FCHO2: variants seen among roughly 807,000 people sequenced by gnomAD.
FCHO2 encodes the protein F-BAR domain only protein 2.
FCHO2 carries 43 observed loss-of-function variants against 114.1 expected under a neutral mutation model. The observed-to-expected ratio is 0.38, with a 90% confidence interval of 0.30 to 0.49. FCHO2 has a LOEUF of 0.49. FCHO2 is among the 20% of genes least tolerant of loss of function. FCHO2 has a pLI of 0.97. For synonymous variants in FCHO2, 293 were observed against 315.2 expected (o/e 0.93, Z 0.75); for missense variants, 807 against 950.4 (o/e 0.85, Z 1.98).
At chr5:73,058,866 A>G (rs977357270) in intron 17 of FCHO2, among the ~76,000 whole-genome samples, 1 of 152,150 alleles carries the variant, frequency 6.6e-6, no homozygotes. Flanking sequence ...TTTAAGTTGC[A>G]TCTAATTTTC....
At chr5:73,077,918 T>C (rs1168997607) in intron 21 of FCHO2, among the ~76,000 whole-genome samples, 1 of 152,152 alleles carries the variant, frequency 6.6e-6, no homozygotes, top group Admixed American at 6.5e-5. Flanking sequence ...ACCAAAATTA[T>C]TCTTACTAAA....
rs773349046 is a variant in FCHO2, at chr5:73,063,936, A to T, written c.1441A>T (p.Asn481Tyr). ...TACTTCAGGCAAACTCAGTGGGATT[A>T]ATGAAATAGTATGTACTCAGGTTTT... ...KLTSGKLSGINEIPRPFSPPV... is the reference protein window; with the variant it reads ...KLTSGKLSGIYEIPRPFSPPV... Residue 481 changes from asparagine (N) to tyrosine (Y), a missense_variant, in exon 18 of 26, where the codon AAT becomes TAT. Physicochemically the swap from Asn to Tyr is moderately radical, Grantham distance 143. Coordinates refer to ENST00000430046, the MANE Select transcript of FCHO2 (RefSeq NM_138782.3). The T allele has an allele frequency of 3.1e-6, 5 of 1,609,112 alleles. No individual in the cohort carries two copies. In the South Asian group the frequency reaches 5.5e-5, roughly 18 times the overall value.
intron 15 of FCHO2, among the ~76,000 whole-genome samples, chr5:73,055,838 T>G (rs1757566161): frequency 6.6e-6 from 1 of 152,192 alleles, no homozygotes; most frequent in Admixed American, 6.5e-5. Context: ...TTTAATTGAC[T>G]TAAGTCATTT....
intron 5 of FCHO2, among the ~76,000 whole-genome samples, chr5:72,994,720 C>A (rs985747149): frequency 5.3e-5 from 8 of 151,982 alleles, no homozygotes; most frequent in African/African-American, 1.9e-4. Flanking sequence ...TATCTAAATG[C>A]CCATCAGTGA....
In FCHO2 at chr5:73,058,542, T is replaced by C; in HGVS notation, c.1345+18T>C. ...ATCATCAGGTAAATATATATATGTA[T>C]ATATGTATTTTTTTAAATAAAGAAT... On this transcript the variant is annotated intron_variant, in intron 17 of 25. Coordinates refer to ENST00000430046, the MANE Select transcript of FCHO2 (RefSeq NM_138782.3). The C allele has an allele frequency of 1.0e-6, 1 of 986,674 alleles. No homozygotes were observed. Among genetic ancestry groups the C allele is most frequent in the Non-Finnish European group, 1.4e-6 (1 of 698,412 alleles). The allele number at this position is 986,674 out of a possible 1,614,324, so 61.1% of individuals were successfully genotyped here.
intron 6 of FCHO2, 31 bp from the exon 7 acceptor site, chr5:73,015,593 TTA>T (rs1437529072): frequency 1.6e-6 from 2 of 1,282,240 alleles, no homozygotes; most frequent in African/African-American, 3.1e-5. Context: ...CCTGTATATG[TTA>T]TAAATCTATA....
chr5:73,006,548 A>C lies in FCHO2; in HGVS notation c.599A>C (p.Gln200Pro). The change falls in exon 6 of 26, where the codon CAG becomes CCG. Residue 200 changes from glutamine (Q) to proline (P), a missense_variant and splice_region_variant. Coordinates refer to ENST00000430046, the MANE Select transcript of FCHO2 (RefSeq NM_138782.3). ...GAACAGAAAATGACAGAAACAGCTC[A>C]GGTTGGTATTTTAAGGCTTCAGATT... Reference protein sequence around the residue: ...DFEQKMTETAQKFQDIEETHL... With the variant: ...DFEQKMTETAPKFQDIEETHL... The C allele has an allele frequency of 6.5e-7, 1 of 1,527,254 alleles. No homozygotes were observed. The highest frequency in any genetic ancestry group is 2.4e-5 in the East Asian group (1 of 41,310). The allele number at this position is 1,527,254 out of a possible 1,614,324, so 94.6% of individuals were successfully genotyped here.
rs544994712 is a variant in FCHO2, at chr5:73,066,394, T to A, written c.1450-2256T>A. ...TCCATGTTTTTGTTATTATAAACAATGTCTTAATGACTGTCCTTATGGTTT... is the reference window on the plus strand; with the variant it reads ...TCCATGTTTTTGTTATTATAAACAAAGTCTTAATGACTGTCCTTATGGTTT... On this transcript the variant is annotated intron_variant, in intron 18 of 25. Transcript: ENST00000430046. Among the ~76,000 whole-genome samples the A allele has an allele frequency of 1.8e-4, 27 of 152,130 alleles. No individual in the cohort carries two copies. In the South Asian group the frequency reaches 4.8e-3, roughly 27 times the overall value.
chr5:73,074,974 T>C (rs1349269848), intron 20 of FCHO2, 121 bp downstream of exon 20: 1 of 763,228 alleles, frequency 1.3e-6, no homozygotes, highest in Admixed American at 3.3e-5. Context: ...CAGTTTTCTG[T>C]TGTTTATTTA....
At chr5:72,988,199 G>A (rs1468097457) in intron 2 of FCHO2, among the ~76,000 whole-genome samples, 1 of 152,170 alleles carries the variant, frequency 6.6e-6, no homozygotes, top group African/African-American at 2.4e-5. Flanking sequence ...CAGCACTTTG[G>A]GAGGCTGAGT....
At chr5:73,040,307 A>G (rs1756744075) in intron 10 of FCHO2, among the ~76,000 whole-genome samples, 1 of 152,176 alleles carries the variant, frequency 6.6e-6, no homozygotes, top group South Asian at 2.1e-4. Flanking sequence ...AGAATGTTCC[A>G]ATGAACATTT....
At chr5:73,051,211 G>C (rs889212944) in intron 11 of FCHO2, 138 bp from the exon 12 acceptor site, 1 of 552,596 alleles carries the variant, frequency 1.8e-6, no homozygotes, top group Non-Finnish European at 3.2e-6. Context: ...ATTTTTCTTC[G>C]GTGTTCATCA....
intron 19 of FCHO2, among the ~76,000 whole-genome samples, chr5:73,070,546 A>G (rs1742589859): frequency 1.3e-5 from 2 of 150,102 alleles, no homozygotes; most frequent in South Asian, 4.2e-4. Context: ...TGGTCTGGGT[A>G]ACCTTATTTT....
chr5:72,987,097 C>G (rs1356658591), intron 2 of FCHO2, among the ~76,000 whole-genome samples: 1 of 151,464 alleles, frequency 6.6e-6, no homozygotes, highest in Non-Finnish European at 1.5e-5. Context: ...AGGATGGTCT[C>G]GATCTCCTGA....
At chr5:72,981,422 T>G (rs1315521399) in intron 2 of FCHO2, among the ~76,000 whole-genome samples, 1 of 152,250 alleles carries the variant, frequency 6.6e-6, no homozygotes, top group Admixed American at 6.5e-5. Context: ...ATTACGTGTC[T>G]TGGGGTTGCT....
At position 72,980,711 on chromosome 5, in the gene FCHO2, C is replaced by T. The variant is rs115570718; in HGVS notation, c.126-8716C>T. On this transcript the variant is annotated intron_variant, in intron 2 of 25. Coordinates refer to ENST00000430046, the MANE Select transcript of FCHO2 (RefSeq NM_138782.3). ...TTTACTGTTATGTAATGGCCTTTGT[C>T]TCTTTTGATCTTTCTTGATTTAAAG... is the stretch of plus-strand genomic sequence containing the variant. Among the ~76,000 whole-genome samples, 1,058 of 152,212 alleles carry T rather than the reference C, an allele frequency of 7.0e-3. 8 individuals carry two copies. The highest frequency in any genetic ancestry group is 0.025 in the African/African-American group (1,034 of 41,546).
chr5:72,961,633 T>C (rs1220979302), intron 1 of FCHO2, among the ~76,000 whole-genome samples: 2 of 152,014 alleles, frequency 1.3e-5, no homozygotes, highest in East Asian at 3.9e-4. Flanking sequence ...TCGCTCTTGT[T>C]GCCCAGGCTG....
chr5:73,034,528 T>A (rs1756396117), intron 8 of FCHO2, 129 bp from the exon 9 acceptor site: 3 of 656,442 alleles, frequency 4.6e-6, no homozygotes, highest in Non-Finnish European at 7.7e-6. Flanking sequence ...CTAGAACCAT[T>A]TCAGAACAAT....
At chr5:73,036,849 T>C (rs755145097) in intron 9 of FCHO2, among the ~76,000 whole-genome samples, 2 of 152,326 alleles carry the variant, frequency 1.3e-5, no homozygotes, top group African/African-American at 4.8e-5. Context: ...TTAAGATATC[T>C]CCATATGCTT....
Sources: gnomAD v4.1 joint callset for allele counts (sites outside exome capture counted in the v4.1 genomes callset) on GRCh38, gnomAD v4.1.1 for gene constraint, MANE v1.5 for transcripts, NCBI Gene and HGNC (gene_info 2026-07-23, HGNC 2026-07-21) for gene names.